ACSL4: variants seen among roughly 807,000 people sequenced by gnomAD.
The protein encoded by ACSL4 is acyl-CoA synthetase long chain family member 4.
In ACSL4, 9 loss-of-function variants were observed where a neutral mutation model predicts 49.1. That is an observed-to-expected ratio of 0.18 (90% CI 0.11 to 0.32). The LOEUF (loss-of-function observed/expected upper bound fraction) is 0.32, where lower values mean the gene tolerates loss of function less well. Ranked by LOEUF, ACSL4 falls within the 10% of genes least tolerant of loss-of-function variation. The pLI, the probability that ACSL4 is intolerant of heterozygous loss-of-function variation, is 1.00. For missense variants in ACSL4, 333 were observed against 493.7 expected (o/e 0.67, Z 3.08); for synonymous variants, 191 against 170.3 (o/e 1.12, Z -0.95).
At chrX:109,648,383 T>A (rs185403243) in intron 15 of ACSL4, among the ~76,000 whole-genome samples, 118 of 111,982 alleles carry the variant, frequency 1.1e-3, no homozygotes, top group African/African-American at 3.6e-3. Flanking sequence ...CGCAAATCAA[T>A]AAATGTAATC....
chrX:109,692,768 T>C (rs999983180), intron 2 of ACSL4, among the ~76,000 whole-genome samples: 25 of 112,332 alleles, frequency 2.2e-4, no homozygotes, highest in African/African-American at 7.8e-4. Flanking sequence ...GTGCTTTTTC[T>C]CTGTTGGGAT....
intron 1 of ACSL4, among the ~76,000 whole-genome samples, chrX:109,699,187 C>T (rs1381737005): frequency 3.6e-5 from 4 of 111,212 alleles, no homozygotes; most frequent in African/African-American, 1.3e-4. Context: ...GCCAACATGG[C>T]GAAACCCCAT....
Position 109,668,304 on chromosome X carries a change from G to A in ACSL4, c.1143-31C>T, listed in dbSNP as rs770432203. The A allele has an allele frequency of 2.6e-6, 3 of 1,132,134 alleles. No homozygotes were observed. The South Asian group carries it at 6.0e-5, about 23-fold the overall frequency. The allele number at this position is 1,132,134 out of a possible 1,213,427, so 93.3% of individuals were successfully genotyped here. On this transcript the variant is annotated intron_variant, in intron 10 of 15. Coordinates refer to ENST00000672401, the MANE Select transcript of ACSL4 (RefSeq NM_001318510.2). ...TAAAGGGAGGATAAATGATTTTAAT[G>A]TACGCATACATTATTCTTGGCAACA...
chrX:109,726,840 G>C (rs958220758), intron 1 of ACSL4, among the ~76,000 whole-genome samples: 7 of 109,353 alleles, frequency 6.4e-5, no homozygotes, highest in African/African-American at 2.0e-4. Context: ...CACCATGCCT[G>C]GCTTTTTTTG....
At chrX:109,648,339 C>T (rs1297793274) in intron 15 of ACSL4, among the ~76,000 whole-genome samples, 13 of 111,778 alleles carry the variant, frequency 1.2e-4, no homozygotes, top group African/African-American at 3.9e-4. Flanking sequence ...ATCAAGTGGG[C>T]TTCATCCCTG....
chrX:109,708,243 C>T (rs1926504504), intron 1 of ACSL4, among the ~76,000 whole-genome samples: 1 of 112,590 alleles, frequency 8.9e-6, no homozygotes, highest in Admixed American at 9.4e-5. Context: ...ACTGCACCCA[C>T]GTAGAGGTTA....
chrX:109,712,029 T>G (rs1016173170), intron 1 of ACSL4, among the ~76,000 whole-genome samples: 10 of 112,291 alleles, frequency 8.9e-5, no homozygotes, highest in Admixed American at 6.6e-4. Context: ...TAGAAGTATA[T>G]GCCTCTCCAC....
At chrX:109,670,006 C>G (rs1923041309) in intron 9 of ACSL4, among the ~76,000 whole-genome samples, 1 of 110,957 alleles carries the variant, frequency 9.0e-6, no homozygotes, top group Non-Finnish European at 1.9e-5. Flanking sequence ...GGAGGTAGGA[C>G]CAGGTTTAAG....
chrX:109,654,932 G>T (rs1478830517), intron 15 of ACSL4, among the ~76,000 whole-genome samples: 1 of 111,718 alleles, frequency 9.0e-6, no homozygotes, highest in Non-Finnish European at 1.9e-5. Context: ...AAAAGAGAAG[G>T]ATTCAGTGAG....
chrX:109,728,438 A>T (rs1442162195), intron 1 of ACSL4, among the ~76,000 whole-genome samples: 1 of 112,772 alleles, frequency 8.9e-6, no homozygotes, highest in African/African-American at 3.2e-5. Context: ...TTTTGCCAAA[A>T]TATTTTTAAT....
At chrX:109,714,342 CAA>C (rs1172365630) in intron 1 of ACSL4, among the ~76,000 whole-genome samples, 5 of 111,471 alleles carry the variant, frequency 4.5e-5, no homozygotes, top group African/African-American at 1.6e-4. Flanking sequence ...ATAAAAGAAT[CAA>C]AAAGTCAAAA....
chrX:109,677,105 G>A (rs186322130), intron 8 of ACSL4, among the ~76,000 whole-genome samples: 54 of 109,687 alleles, frequency 4.9e-4, no homozygotes, highest in African/African-American at 1.7e-3. Flanking sequence ...GACTACAGGC[G>A]CCCACCACCT....
chrX:109,656,218 T>C (rs770492107), intron 15 of ACSL4, among the ~76,000 whole-genome samples: 73 of 111,196 alleles, frequency 6.6e-4, no homozygotes, highest in Non-Finnish European at 1.5e-4. Flanking sequence ...TATCCTTTCC[T>C]GTATTAGGGA....
In ACSL4 at chrX:109,710,259, A is replaced by G. The variant is rs762665951; in HGVS notation, c.-65-14063T>C. ...TTGTATCCTAACTTTCATCCCATAG[A>G]GAACAAGGCAAGAATGTATGGGTAT... is the stretch of plus-strand genomic sequence containing the variant. On this transcript the variant is annotated intron_variant, in intron 1 of 15. Coordinates refer to ENST00000672401, the MANE Select transcript of ACSL4 (RefSeq NM_001318510.2). Among the ~76,000 whole-genome samples, 15 of 112,164 alleles carry G rather than the reference A, an allele frequency of 1.3e-4. 1 individual carries two copies. In the South Asian group the frequency reaches 5.5e-3, roughly 41 times the overall value.
chrX:109,724,141 A>C (rs887500394), intron 1 of ACSL4, among the ~76,000 whole-genome samples: 1 of 112,354 alleles, frequency 8.9e-6, no homozygotes, highest in African/African-American at 3.2e-5. Flanking sequence ...TTAAAAGGTT[A>C]ATTTCAGGTA....
At chrX:109,706,718 A>G (rs1926376863) in intron 1 of ACSL4, among the ~76,000 whole-genome samples, 1 of 112,399 alleles carries the variant, frequency 8.9e-6, no homozygotes, top group Non-Finnish European at 1.9e-5. Context: ...AGATTACATA[A>G]CAGCAAACAC....
rs1166768947 is a variant in ACSL4, at chrX:109,644,016, AGAC to A, written c.*10_*12del. Reference sequence around the variant, plus strand: ...GCTACCTCCTGCACAACTGTCAATAAGACAACAACATTTTATTTGCCCCCATAC... The same window carrying A: ...GCTACCTCCTGCACAACTGTCAATAAAACAACATTTTATTTGCCCCCATAC... On this transcript the variant is annotated 3_prime_UTR_variant, in exon 16 of 16. Transcript: ENST00000672401. The A allele has an allele frequency of 5.8e-6, 7 of 1,209,411 alleles. No individual in the cohort carries two copies. Among genetic ancestry groups the A allele is most frequent in the Non-Finnish European group, 6.7e-6 (6 of 894,577 alleles).
Position 109,712,910 on chromosome X carries a change from G to T in ACSL4, c.-65-16714C>A, listed in dbSNP as rs188843092. Reference sequence around the variant, plus strand: ...GAGCCTGGGAGGTGGAGGGTGCAGTGAGCTGAGATTACGCCACTGCACTCC... The same window carrying T: ...GAGCCTGGGAGGTGGAGGGTGCAGTTAGCTGAGATTACGCCACTGCACTCC... On this transcript the variant is annotated intron_variant, in intron 1 of 15. Transcript: ENST00000672401. Among the ~76,000 whole-genome samples the T allele has an allele frequency of 9.1e-5, 10 of 110,312 alleles. No homozygotes were observed. The East Asian group carries it at 2.6e-3, about 28-fold the overall frequency.
intron 9 of ACSL4, among the ~76,000 whole-genome samples, chrX:109,673,611 C>A (rs1013381142): frequency 1.8e-5 from 2 of 111,970 alleles, no homozygotes; most frequent in Admixed American, 9.5e-5. Flanking sequence ...CTAAAAGGAC[C>A]ATAAAGTATC....
Sources: allele counts gnomAD v4.1 joint callset (sites outside exome capture counted in the v4.1 genomes callset), GRCh38; gene constraint gnomAD v4.1.1; transcripts MANE v1.5; gene names NCBI Gene and HGNC (gene_info 2026-07-23, HGNC 2026-07-21).